HERC4: variants seen among roughly 807,000 people sequenced by gnomAD.
The protein encoded by HERC4 is probable E3 ubiquitin-protein ligase HERC4.
A neutral mutation model predicts 124.3 loss-of-function variants in HERC4; 28 were observed. The ratio of observed to expected loss-of-function variants is 0.23; its 90% CI spans 0.17 to 0.31. The LOEUF is 0.31. Ranked by LOEUF, HERC4 falls within the 10% of genes least tolerant of loss-of-function variation. HERC4 has a pLI of 1.00. For synonymous variants in HERC4, 407 were observed against 421.5 expected (o/e 0.97, Z 0.42); for missense variants, 713 against 1,229.3 (o/e 0.58, Z 6.28).
chr10:68,022,870 C>CT (rs765162351), intron 8 of HERC4, among the ~76,000 whole-genome samples: 33 of 152,006 alleles, frequency 2.2e-4, no homozygotes, highest in Admixed American at 9.8e-4. Context: ...GGGAAAAACA[C>CT]TTTAATTGAC....
intron 3 of HERC4, among the ~76,000 whole-genome samples, chr10:68,045,423 A>AT (rs1267687958): frequency 1.3e-5 from 2 of 152,230 alleles, no homozygotes; most frequent in African/African-American, 4.8e-5. Context: ...CATCTATTAG[A>AT]TATGGTGAGT....
rs563201086 is a variant in HERC4, at chr10:68,057,170, T to C, written c.227-12607A>G. Among the ~76,000 whole-genome samples the C allele has an allele frequency of 5.9e-5, 9 of 152,334 alleles. No homozygotes were observed. In the South Asian group the frequency reaches 1.9e-3, roughly 32 times the overall value. Reference sequence around the variant, plus strand: ...ATAAATTTCTCTCACAGTCAAGCACTGTATAACAGTGGGTACACAGTTTAT... The same window carrying C: ...ATAAATTTCTCTCACAGTCAAGCACCGTATAACAGTGGGTACACAGTTTAT... On this transcript the variant is annotated intron_variant, in intron 3 of 24. Coordinates refer to ENST00000373700, the MANE Select transcript of HERC4 (RefSeq NM_015601.4).
chr10:67,964,405 A>G (rs917301929), intron 16 of HERC4, among the ~76,000 whole-genome samples: 5 of 151,890 alleles, frequency 3.3e-5, no homozygotes, highest in Non-Finnish European at 7.4e-5. Flanking sequence ...TTCATATCCA[A>G]TCCATCAGTG....
intron 15 of HERC4, among the ~76,000 whole-genome samples, chr10:67,983,887 C>T (rs1272127729): frequency 4.6e-5 from 7 of 151,840 alleles, no homozygotes; most frequent in African/African-American, 1.5e-4. Context: ...CGCTTGAACC[C>T]GGGAGACGGA....
intron 19 of HERC4, among the ~76,000 whole-genome samples, chr10:67,946,348 A>AACACACAC (rs58692888): frequency 0.018 from 2,248 of 128,426 alleles, 35 homozygotes; most frequent in Non-Finnish European, 0.023. Context: ...ATAAAACACA[A>AACACACAC]ACACACACAC....
At chr10:67,948,766 C>T (rs1264846629) in intron 19 of HERC4, among the ~76,000 whole-genome samples, 1 of 151,590 alleles carries the variant, frequency 6.6e-6, no homozygotes, top group Non-Finnish European at 1.5e-5. Flanking sequence ...ACTAAAAATA[C>T]AAAAACTAGC....
chr10:67,957,465 A>G (rs1329315102), intron 16 of HERC4, among the ~76,000 whole-genome samples: 1 of 152,228 alleles, frequency 6.6e-6, no homozygotes, highest in Non-Finnish European at 1.5e-5. Context: ...TATACAAAAA[A>G]GTACCATTAG....
intron 8 of HERC4, among the ~76,000 whole-genome samples, chr10:68,021,813 A>C: frequency 6.6e-6 from 1 of 152,052 alleles, no homozygotes; most frequent in East Asian, 1.9e-4. Context: ...CACCTCAAAT[A>C]AATAAATAAA....
At position 67,990,456 on chromosome 10, in the gene HERC4, G is replaced by GAAAA. The variant is rs11422655; in HGVS notation, c.1444-60_1444-57dup. The GAAAA allele has an allele frequency of 7.1e-4, 435 of 615,670 alleles. 1 individual carries two copies. The highest frequency in any genetic ancestry group is 8.7e-4 in the Non-Finnish European group (381 of 436,464). 38.1% of individuals were successfully genotyped at this position (615,670 alleles called of 1,614,324 possible). A position where few individuals can be genotyped will look rare whatever the true frequency, so the allele number is the denominator to read the frequency against. ...CATTTAAAATGAATACACTTTCAAAGAAAAAAAAAAAAAAGGAAGGCAGGA... is the reference window on the plus strand; with the variant it reads ...CATTTAAAATGAATACACTTTCAAAGAAAAAAAAAAAAAAAAAAGGAAGGCAGGA... On this transcript the variant is annotated intron_variant, in intron 13 of 24. Coordinates refer to ENST00000373700, the MANE Select transcript of HERC4 (RefSeq NM_015601.4).
At position 67,966,796 on chromosome 10, in the gene HERC4, C is replaced by T. The variant is rs1288964690; in HGVS notation, c.1813G>A (p.Glu605Lys). 1 of 1,537,090 alleles carries T rather than the reference C, an allele frequency of 6.5e-7. No individual in the cohort carries two copies. Residue 605 changes from glutamate to lysine, a missense_variant, in exon 16 of 25, where the codon GAG (glutamate) becomes AAG (lysine). Transcript: ENST00000373700. ...KVLEILHRVN[E>K]KMGQIIQYDK... ...TACTGTATAATCTGTCCCATTTTCT[C>T]ATTTACCTACAAAAGAAAATGTAAT...
chr10:67,966,408 A>G (rs1377119036), intron 16 of HERC4: 11 of 287,796 alleles, frequency 3.8e-5, no homozygotes, highest in Non-Finnish European at 6.3e-5. Flanking sequence ...AAGAGTTAAA[A>G]ATCCATTTCA....
chr10:67,930,164 T>G (rs2031636072), intron 23 of HERC4, among the ~76,000 whole-genome samples: 1 of 152,204 alleles, frequency 6.6e-6, no homozygotes, highest in Non-Finnish European at 1.5e-5. Flanking sequence ...TATACTGTAG[T>G]AGGTTTACCC....
chr10:68,065,380 GTAAT>G (rs1434141162), intron 3 of HERC4, among the ~76,000 whole-genome samples: 1 of 152,050 alleles, frequency 6.6e-6, no homozygotes, highest in African/African-American at 2.4e-5. Flanking sequence ...GAATAAAAAA[GTAAT>G]TAATATATTT....
At chr10:68,048,555 CTA>C (rs2133559514) in intron 3 of HERC4, among the ~76,000 whole-genome samples, 1 of 152,242 alleles carries the variant, frequency 6.6e-6, no homozygotes, top group South Asian at 2.1e-4. Context: ...GGCAGTGAAA[CTA>C]TTCTACATGA....
rs9414970 is a variant in HERC4 at position 68,057,638 on chromosome 10, A to G, written c.227-13075T>C. On this transcript the variant is annotated intron_variant, in intron 3 of 24. Coordinates refer to ENST00000373700, the MANE Select transcript of HERC4 (RefSeq NM_015601.4). Reference sequence around the variant, plus strand: ...GACTCTGTCTCAAAAAAAAAAAAAAAGTATAACTAAGTATATTTACTCAAG... The same window carrying G: ...GACTCTGTCTCAAAAAAAAAAAAAAGGTATAACTAAGTATATTTACTCAAG... Among the ~76,000 whole-genome samples, 69 of 151,382 alleles carry G rather than the reference A, an allele frequency of 4.6e-4. 1 individual carries two copies. Among genetic ancestry groups the G allele is most frequent in the African/African-American group, 1.7e-3 (68 of 41,010 alleles).
At chr10:67,929,875 C>T (rs191213894) in intron 23 of HERC4, among the ~76,000 whole-genome samples, 4 of 148,490 alleles carry the variant, frequency 2.7e-5, no homozygotes, top group East Asian at 4.0e-4. Flanking sequence ...TGCAACGGCA[C>T]GATCTCCGGC....
At chr10:68,000,526 C>G (rs1272735108) in intron 9 of HERC4, among the ~76,000 whole-genome samples, 1 of 151,408 alleles carries the variant, frequency 6.6e-6, no homozygotes, top group Non-Finnish European at 1.5e-5. Flanking sequence ...CTGCAGTGAG[C>G]CAAGGTCATG....
intron 9 of HERC4, among the ~76,000 whole-genome samples, chr10:68,006,230 CTAT>C (rs1433464305): frequency 6.6e-6 from 1 of 152,128 alleles, no homozygotes; most frequent in Non-Finnish European, 1.5e-5. Flanking sequence ...TGTGTACTTA[CTAT>C]TATCGTGAGT....
rs551054549 is a variant in HERC4, at chr10:68,029,360, T to G, written c.777+3418A>C. ...ACAGAAAATTAGCCAGGTGTGGTGATGCATGCCTGTAGTCCCAGGTACTCA... is the reference window on the plus strand; with the variant it reads ...ACAGAAAATTAGCCAGGTGTGGTGAGGCATGCCTGTAGTCCCAGGTACTCA... On this transcript the variant is annotated intron_variant, in intron 7 of 24. Coordinates refer to ENST00000373700, the MANE Select transcript of HERC4 (RefSeq NM_015601.4). Among the ~76,000 whole-genome samples the G allele has an allele frequency of 8.5e-5, 13 of 152,128 alleles. No individual in the cohort carries two copies. In the East Asian group the frequency reaches 2.5e-3, roughly 29 times the overall value.
Sources: gnomAD v4.1 joint callset for allele counts (sites outside exome capture counted in the v4.1 genomes callset) on GRCh38, gnomAD v4.1.1 for gene constraint, MANE v1.5 for transcripts, NCBI Gene and HGNC (gene_info 2026-07-23, HGNC 2026-07-21) for gene names.